CIITA: variants seen among roughly 807,000 people sequenced by gnomAD.
CIITA encodes the protein MHC class II transactivator.
A neutral mutation model predicts 115.1 loss-of-function variants in CIITA; 72 were observed. The ratio of observed to expected loss-of-function variants is 0.63; its 90% CI spans 0.52 to 0.76. The LOEUF (loss-of-function observed/expected upper bound fraction) is 0.76, where lower values mean the gene tolerates loss of function less well. CIITA is among the 30% of genes least tolerant of loss of function. The pLI, the probability that CIITA is intolerant of heterozygous loss-of-function variation, is 0.00. For missense variants in CIITA, 1,617 were observed against 1,463.8 expected (o/e 1.10, Z -1.71); for synonymous variants, 763 against 635.6 (o/e 1.20, Z -3.02).
chr16:10,913,349 C>G (rs2039716760), intron 13 of CIITA: 1 of 152,798 alleles, frequency 6.5e-6, no homozygotes, highest in Admixed American at 6.6e-5. Flanking sequence ...GAGTCTCGCT[C>G]TGTCACCCAG....
chr16:10,884,385 C>T (rs150884912), intron 1 of CIITA, among the ~76,000 whole-genome samples: 1 of 152,248 alleles, frequency 6.6e-6, no homozygotes, highest in Non-Finnish European at 1.5e-5. Flanking sequence ...CCCACAGTTC[C>T]CAGGGAGCTT....
chr16:10,883,755 G>C (rs1355077579), intron 1 of CIITA, among the ~76,000 whole-genome samples: 1 of 152,200 alleles, frequency 6.6e-6, no homozygotes, highest in South Asian at 2.1e-4. Flanking sequence ...ATTCACAGGA[G>C]GGAACACCCG....
At chr16:10,895,838 C>T (rs2038072296) in intron 3 of CIITA, 74 bp downstream of exon 3, 4 of 1,418,178 alleles carry the variant, frequency 2.8e-6, no homozygotes, top group East Asian at 2.3e-5. Context: ...CAATATCACC[C>T]ATTCATCATG....
At chr16:10,881,633 C>T (rs1017116047) in intron 1 of CIITA, among the ~76,000 whole-genome samples, 4 of 152,104 alleles carry the variant, frequency 2.6e-5, no homozygotes, top group Non-Finnish European at 4.4e-5. Flanking sequence ...TCCGTTTATA[C>T]ATGGAAAAAA....
chr16:10,902,295 T>A, intron 7 of CIITA, 111 bp downstream of exon 7: 1 of 1,444,234 alleles, frequency 6.9e-7, no homozygotes, highest in Non-Finnish European at 9.5e-7. Context: ...TCCCCAACCC[T>A]ATCAGTGTCA....
chr16:10,885,216 C>G (rs1376751341), intron 1 of CIITA, among the ~76,000 whole-genome samples: 1 of 152,198 alleles, frequency 6.6e-6, no homozygotes, highest in Non-Finnish European at 1.5e-5. Context: ...CAGCCAAGCC[C>G]CTGTGGCACA....
chr16:10,901,660 G>A lies in CIITA; in HGVS notation c.481+102G>A. The A allele has an allele frequency of 8.0e-7, 1 of 1,257,760 alleles. No homozygotes were observed. The highest frequency in any genetic ancestry group is 2.5e-5 in the East Asian group (1 of 40,034). 77.9% of individuals were successfully genotyped at this position (1,257,760 alleles called of 1,614,324 possible). A position where few individuals can be genotyped will look rare whatever the true frequency, so the allele number is the denominator to read the frequency against. ...CCAAGTCTGATGGGGATGGTGCATG[G>A]TGCAGCCCCTGCCCTTCTTTGGGTA... On this transcript the variant is annotated intron_variant, in intron 6 of 19. Coordinates refer to ENST00000324288, the MANE Select transcript of CIITA (RefSeq NM_000246.4). This position sits in a 1 kb window ranked among gnomAD's most constrained non-coding sequence, Gnocchi z 6.8.
intron 1 of CIITA, among the ~76,000 whole-genome samples, chr16:10,891,427 A>G (rs1356123093): frequency 1.3e-5 from 2 of 152,172 alleles, no homozygotes; most frequent in African/African-American, 4.8e-5. Flanking sequence ...GCCCTGTGAG[A>G]AAACTGAGTT....
At chr16:10,914,766 G>T (rs1374391626) in intron 13 of CIITA, among the ~76,000 whole-genome samples, 1 of 152,218 alleles carries the variant, frequency 6.6e-6, no homozygotes, top group East Asian at 1.9e-4. Context: ...GTCTTGAGGA[G>T]TAAATGAGAT....
chr16:10,900,739 CAAA>C (rs5815603), intron 5 of CIITA, among the ~76,000 whole-genome samples: 2 of 101,626 alleles, frequency 2.0e-5, no homozygotes, highest in Non-Finnish European at 4.3e-5. Flanking sequence ...GACTCTGTTT[CAAA>C]AAAAAAAAAA....
At chr16:10,894,696 G>C (rs991647481) in intron 1 of CIITA, among the ~76,000 whole-genome samples, 1 of 152,206 alleles carries the variant, frequency 6.6e-6, no homozygotes, top group Non-Finnish European at 1.5e-5. Context: ...TTAGGAAACT[G>C]AGGCACAGAA....
intron 1 of CIITA, among the ~76,000 whole-genome samples, chr16:10,889,011 T>C (rs904791014): frequency 2.6e-5 from 4 of 152,234 alleles, no homozygotes; most frequent in Non-Finnish European, 4.4e-5. Flanking sequence ...TGTCATTTGG[T>C]ACCTGGCACT....
intron 1 of CIITA, among the ~76,000 whole-genome samples, chr16:10,884,078 T>A (rs1299171795): frequency 7.2e-6 from 1 of 138,268 alleles, no homozygotes; most frequent in Admixed American, 1.1e-4. Flanking sequence ...TTTGGACAGA[T>A]ACATGATGTA....
intron 13 of CIITA, among the ~76,000 whole-genome samples, chr16:10,910,922 G>T (rs913223265): frequency 1.3e-5 from 2 of 152,108 alleles, no homozygotes; most frequent in Non-Finnish European, 2.9e-5. Context: ...AACCCTACTT[G>T]CCTGGGACTA....
chr16:10,867,487 A>G (rs548662138), intron 1 of CIITA, among the ~76,000 whole-genome samples: 1 of 151,876 alleles, frequency 6.6e-6, no homozygotes, highest in Non-Finnish European at 1.5e-5. Flanking sequence ...ACAGGGAGAA[A>G]AGGGAGGGAG....
chr16:10,901,919 T>G lies in CIITA; in HGVS notation c.482-119T>G. On this transcript the variant is annotated intron_variant, in intron 6 of 19. Coordinates refer to ENST00000324288, the MANE Select transcript of CIITA (RefSeq NM_000246.4). The surrounding 1 kb of genome is among the most constrained non-coding windows in gnomAD (Gnocchi z 6.8). ...TGATCAACACAGCTGCAGCCAGGGC[T>G]GAGAAGATGACAAGCATTTCCTCTG... 1 of 1,395,122 alleles carries G rather than the reference T, an allele frequency of 7.2e-7. No individual in the cohort carries two copies. Among genetic ancestry groups the G allele is most frequent in the Non-Finnish European group, 1.0e-6 (1 of 995,492 alleles). The allele number at this position is 1,395,122 out of a possible 1,614,324, so 86.4% of individuals were successfully genotyped here.
At chr16:10,903,145 A>G (rs529132699) in intron 8 of CIITA, among the ~76,000 whole-genome samples, 1 of 152,332 alleles carries the variant, frequency 6.6e-6, no homozygotes, top group South Asian at 2.1e-4. Context: ...AGTGATGTTT[A>G]CAAGAATTCA....
At chr16:10,889,347 G>C (rs2037300886) in intron 1 of CIITA, among the ~76,000 whole-genome samples, 1 of 152,070 alleles carries the variant, frequency 6.6e-6, no homozygotes, top group Admixed American at 6.6e-5. Flanking sequence ...GGTGTGACTG[G>C]GAGGCAGCTG....
Position 10,923,368 on chromosome 16 carries a change from G to T in CIITA, c.*22+43G>T. On this transcript the variant is annotated intron_variant, in intron 19 of 19. Transcript: ENST00000324288. The surrounding 1 kb of genome is among the most constrained non-coding windows in gnomAD (Gnocchi z 5.2). ...GGGAGGGGAGAGCCGCAGTGGGTTG[G>T]GGGCAGTGTCCTTGTGAAGGTGGCA... is the stretch of plus-strand genomic sequence containing the variant. 1 of 1,465,768 alleles carries T rather than the reference G, an allele frequency of 6.8e-7. No individual in the cohort carries two copies. The allele number at this position is 1,465,768 out of a possible 1,614,324, so 90.8% of individuals were successfully genotyped here.
Sources: gnomAD v4.1 joint callset for allele counts (sites outside exome capture counted in the v4.1 genomes callset) on GRCh38, gnomAD v4.1.1 for gene constraint, Gnocchi (gnomAD v3.1) non-coding constraint, MANE v1.5 for transcripts, NCBI Gene and HGNC (gene_info 2026-07-23, HGNC 2026-07-21) for gene names.